ZNF670: variants seen among roughly 807,000 people sequenced by gnomAD.
The protein encoded by ZNF670 is zinc finger protein 670.
ZNF670 carries 7 observed loss-of-function variants against 10.9 expected under a neutral mutation model. That is an observed-to-expected ratio of 0.64 (90% confidence interval 0.36 to 1.20). The LOEUF (loss-of-function observed/expected upper bound fraction) is 1.20, where lower values mean the gene tolerates loss of function less well. ZNF670 is among the 50% of genes most tolerant of loss of function. The pLI is 0.02. For synonymous variants in ZNF670, 136 were observed against 152.7 expected, an observed-to-expected ratio of 0.89 and a Z score of 0.81; for missense variants, 446 against 458.6, an observed-to-expected ratio of 0.97 and a Z score of 0.25.
intron 1 of ZNF670, among the ~76,000 whole-genome samples, chr1:247,058,709 T>TAA (rs59634852): frequency 0.18 from 22,265 of 123,974 alleles, 2,092 homozygotes; most frequent in Middle Eastern, 0.28. Context: ...TACAGACAGT[T>TAA]AAAAAAAAAA....
chr1:247,046,752 A>T (rs1670459876), intron 1 of ZNF670, among the ~76,000 whole-genome samples: 1 of 152,132 alleles, frequency 6.6e-6, no homozygotes, highest in Non-Finnish European at 1.5e-5. Context: ...CAGACCCCAG[A>T]ATGGTACAGC....
At chr1:247,067,495 C>T (rs1245801942) in intron 1 of ZNF670, among the ~76,000 whole-genome samples, 1 of 149,526 alleles carries the variant, frequency 6.7e-6, no homozygotes, top group Middle Eastern at 3.5e-3. Flanking sequence ...TAGTTCCCCA[C>T]AAGCACAGGC....
At chr1:247,043,716 T>C (rs1670373210) in intron 1 of ZNF670, 2 of 453,704 alleles carry the variant, frequency 4.4e-6, no homozygotes, top group African/African-American at 2.0e-5. Flanking sequence ...AAATCAATCA[T>C]TTACCGCAGA....
At chr1:247,042,090 A>T (rs979539782) in intron 1 of ZNF670, among the ~76,000 whole-genome samples, 1 of 152,232 alleles carries the variant, frequency 6.6e-6, no homozygotes, top group Admixed American at 6.5e-5. Context: ...TGTTTTACTC[A>T]TTCTTACTGT....
chr1:247,062,056 G>A (rs761938162), intron 1 of ZNF670, among the ~76,000 whole-genome samples: 4 of 152,190 alleles, frequency 2.6e-5, no homozygotes, highest in African/African-American at 7.2e-5. Context: ...TGGTTGTCCC[G>A]TAGGATGCAG....
intron 1 of ZNF670, among the ~76,000 whole-genome samples, chr1:247,067,605 G>A (rs1227593057): frequency 6.6e-6 from 1 of 151,444 alleles, no homozygotes; most frequent in Non-Finnish European, 1.5e-5. Flanking sequence ...CACTTTGGGA[G>A]GCCGAGGCGG....
intron 1 of ZNF670, among the ~76,000 whole-genome samples, chr1:247,068,165 A>C (rs1305716558): frequency 6.7e-6 from 1 of 150,180 alleles, no homozygotes; most frequent in Non-Finnish European, 1.5e-5. Flanking sequence ...TAAAGATACA[A>C]AAATTGGCCA....
At chr1:247,041,717 A>T (rs7549039) in intron 1 of ZNF670, among the ~76,000 whole-genome samples, 4,204 of 152,324 alleles carry the variant, frequency 0.028, 194 homozygotes, top group African/African-American at 0.094. Flanking sequence ...AAAAGCAAAA[A>T]AATACAATTG....
At chr1:247,043,478 C>A in intron 1 of ZNF670, 2 of 653,964 alleles carry the variant, frequency 3.1e-6, no homozygotes, top group South Asian at 1.4e-5. Context: ...CTTGGTTAAT[C>A]AAGATATTCT....
chr1:247,036,388 CA>C lies in ZNF670; in HGVS notation c.*1060del, dbSNP rs1369317529. ...AAAAAGTGGGCCAGGTGTGGTAGCT[CA>C]TGTCAGTAACCCCAACATGTAGACA... On this transcript the variant is annotated 3_prime_UTR_variant, in exon 4 of 4. Transcript: ENST00000366503. Among the ~76,000 whole-genome samples the C allele has an allele frequency of 6.6e-6, 1 of 152,164 alleles. No homozygotes were observed. The highest frequency in any genetic ancestry group is 1.9e-4 in the East Asian group (1 of 5,202).
chr1:247,037,173 C>A lies in ZNF670; in HGVS notation c.*276G>T, dbSNP rs1670176630. 3 of 333,500 alleles carry A rather than the reference C, an allele frequency of 9.0e-6. No individual in the cohort carries two copies. Among genetic ancestry groups the A allele is most frequent in the East Asian group, 1.1e-4 (2 of 18,472 alleles). 20.7% of individuals were successfully genotyped at this position (333,500 alleles called of 1,614,324 possible). A position where few individuals can be genotyped will look rare whatever the true frequency, so the allele number is the denominator to read the frequency against. On this transcript the variant is annotated 3_prime_UTR_variant, in exon 4 of 4. Coordinates refer to ENST00000366503, the MANE Select transcript of ZNF670 (RefSeq NM_033213.5). ...TCTAAAGTATAGACACCTTCTTTAACAATGAACCACTGATAAAAATATATT... is the reference window on the plus strand; with the variant it reads ...TCTAAAGTATAGACACCTTCTTTAAAAATGAACCACTGATAAAAATATATT...
At chr1:247,051,210 A>C (rs1159709990) in intron 1 of ZNF670, among the ~76,000 whole-genome samples, 2 of 151,858 alleles carry the variant, frequency 1.3e-5, no homozygotes, top group African/African-American at 4.8e-5. Context: ...TGGGAGGCTA[A>C]GGCAGGAGAC....
At chr1:247,046,106 A>C (rs1434316699) in intron 1 of ZNF670, among the ~76,000 whole-genome samples, 1 of 151,982 alleles carries the variant, frequency 6.6e-6, no homozygotes, top group East Asian at 1.9e-4. Context: ...GAAGTGATTT[A>C]AAGTTGAAAC....
intron 1 of ZNF670, among the ~76,000 whole-genome samples, chr1:247,067,628 G>C (rs1671016510): frequency 6.6e-6 from 1 of 150,414 alleles, no homozygotes; most frequent in East Asian, 2.0e-4. Flanking sequence ...GGATCACGAG[G>C]TCAGGAGATC....
At chr1:247,051,858 C>T (rs1670605386) in intron 1 of ZNF670, among the ~76,000 whole-genome samples, 2 of 149,928 alleles carry the variant, frequency 1.3e-5, no homozygotes, top group East Asian at 2.0e-4. Flanking sequence ...TTCTTTCTTA[C>T]ACTTGTTCAC....
In ZNF670 at chr1:247,035,834, G is replaced by A. The variant is rs1015154785; in HGVS notation, c.*1615C>T. ...TTTCTTATCTGAAATACTTGGGAACGGAAGTGCTTTGGATTTCAGACTTTT... is the reference window on the plus strand; with the variant it reads ...TTTCTTATCTGAAATACTTGGGAACAGAAGTGCTTTGGATTTCAGACTTTT... On this transcript the variant is annotated 3_prime_UTR_variant, in exon 4 of 4. Coordinates refer to ENST00000366503, the MANE Select transcript of ZNF670 (RefSeq NM_033213.5). Among the ~76,000 whole-genome samples, 6 of 152,256 alleles carry A rather than the reference G, an allele frequency of 3.9e-5. No homozygotes were observed. The highest frequency in any genetic ancestry group is 4.1e-4 in the South Asian group (2 of 4,826).
chr1:247,060,888 G>A (rs973853423), intron 1 of ZNF670, among the ~76,000 whole-genome samples: 18 of 152,258 alleles, frequency 1.2e-4, no homozygotes, highest in South Asian at 6.2e-4. Flanking sequence ...TAAGTAAGGC[G>A]TGCAGTGTGA....
intron 1 of ZNF670, among the ~76,000 whole-genome samples, chr1:247,053,566 G>A (rs1670647596): frequency 6.6e-6 from 1 of 152,208 alleles, no homozygotes; most frequent in Admixed American, 6.5e-5. Context: ...AACCCGTGAG[G>A]TGGAGCTTGC....
At chr1:247,043,682 G>A (rs376155268) in intron 1 of ZNF670, 37 of 494,290 alleles carry the variant, frequency 7.5e-5, no homozygotes, top group South Asian at 4.7e-4. Context: ...CTGTTTCCAC[G>A]ATGGGGTATC....
Sources: allele counts gnomAD v4.1 joint callset (sites outside exome capture counted in the v4.1 genomes callset), GRCh38; gene constraint gnomAD v4.1.1; transcripts MANE v1.5; gene names NCBI Gene and HGNC (gene_info 2026-07-23, HGNC 2026-07-21).